Variants in ATP13A4 observed in about 807,000 individuals in gnomAD.
The protein encoded by ATP13A4 is ATPase 13A4.
ATP13A4 carries 114 observed loss-of-function variants against 142.5 expected under a neutral mutation model. The ratio of observed to expected loss-of-function variants is 0.80; its 90% CI spans 0.69 to 0.93. The LOEUF (loss-of-function observed/expected upper bound fraction) is 0.93, where lower values mean the gene tolerates loss of function less well. Among genes scored for constraint, ATP13A4 ranks in the 40% least tolerant of loss-of-function variants. The pLI, the probability that ATP13A4 is intolerant of heterozygous loss-of-function variation, is 0.00. For synonymous variants in ATP13A4, 488 were observed against 514.8 expected (o/e 0.95, Z 0.70); for missense variants, 1,392 against 1,454.0 (o/e 0.96, Z 0.69).
At chr3:193,517,487 T>C (rs1334817048) in intron 1 of ATP13A4, among the ~76,000 whole-genome samples, 1 of 152,176 alleles carries the variant, frequency 6.6e-6, no homozygotes, top group East Asian at 1.9e-4. Context: ...TTGTTTTATT[T>C]TATTTTATTT....
chr3:193,511,195 C>T (rs13096868), intron 2 of ATP13A4, among the ~76,000 whole-genome samples: 21,252 of 152,110 alleles, frequency 0.14, 1,633 homozygotes, highest in Non-Finnish European at 0.17. Context: ...AGATTGAAGC[C>T]GGCTTAGACT....
At chr3:193,492,233 T>C (rs978282675) in intron 5 of ATP13A4, among the ~76,000 whole-genome samples, 16 of 152,120 alleles carry the variant, frequency 1.1e-4, no homozygotes, top group African/African-American at 3.6e-4. Flanking sequence ...TTCAAAGTAC[T>C]AGAAATGGGG....
chr3:193,473,168 A>G lies in ATP13A4; in HGVS notation c.809-2175T>C, dbSNP rs151312360. Among the ~76,000 whole-genome samples, 929 of 152,366 alleles carry G rather than the reference A, an allele frequency of 6.1e-3. 12 individuals carry two copies. Among genetic ancestry groups the G allele is most frequent in the African/African-American group, 0.022 (897 of 41,592 alleles). ...AACATCTTCTTGTGCCATTAAGTAA[A>G]GAAATGCTCAAAGAATGTTGGGGAC... On this transcript the variant is annotated intron_variant, in intron 8 of 29. Transcript: ENST00000342695.
At chr3:193,541,252 A>AAAAAAAAAAAAAAAAAAAAAAAAAAAAAC (rs1722902371) in intron 1 of ATP13A4, among the ~76,000 whole-genome samples, 1 of 149,400 alleles carries the variant, frequency 6.7e-6, no homozygotes, top group Non-Finnish European at 1.5e-5. Context: ...CCTTCTCAAA[A>AAAAAAAAAAAAAAAAAAAAAAAAAAAAAC]AAAAAAAAAA....
chr3:193,585,818 A>C (rs1724657031), intron 1 of ATP13A4, among the ~76,000 whole-genome samples: 1 of 152,168 alleles, frequency 6.6e-6, no homozygotes, highest in Non-Finnish European at 1.5e-5. Context: ...ACTTTCCATG[A>C]ACACGTTTTT....
intron 3 of ATP13A4, among the ~76,000 whole-genome samples, chr3:193,494,442 T>C (rs1339537872): frequency 6.6e-6 from 1 of 151,994 alleles, no homozygotes; most frequent in African/African-American, 2.4e-5. Flanking sequence ...TATAATAGTA[T>C]AAAAGTAGAA....
upstream of ATP13A4, chr3:193,555,074 C>T (rs143066833): frequency 1.1e-3 from 708 of 641,560 alleles, 1 homozygote; most frequent in African/African-American, 9.9e-3. Context: ...GAGGCTGCTC[C>T]CATGCCGATC....
At chr3:193,407,673 T>C (rs1157863237) in intron 28 of ATP13A4, among the ~76,000 whole-genome samples, 2 of 152,212 alleles carry the variant, frequency 1.3e-5, no homozygotes, top group African/African-American at 4.8e-5. Flanking sequence ...TGTGTTTCTC[T>C]ATGATTTCTA....
At chr3:193,581,349 G>C (rs1318796463) in intron 2 of ATP13A4, among the ~76,000 whole-genome samples, 1 of 152,020 alleles carries the variant, frequency 6.6e-6, no homozygotes, top group East Asian at 1.9e-4. Flanking sequence ...AACAAATCAA[G>C]CCCTGATTTG....
intron 2 of ATP13A4, 46 bp downstream of exon 2, chr3:193,514,652 A>G (rs771902836): frequency 1.3e-6 from 2 of 1,593,318 alleles, no homozygotes; most frequent in Admixed American, 3.3e-5. Flanking sequence ...CACATTGTCC[A>G]GAAACAAAAG....
At chr3:193,509,841 A>G (rs375363903) in intron 2 of ATP13A4, among the ~76,000 whole-genome samples, 45 of 152,294 alleles carry the variant, frequency 3.0e-4, no homozygotes, top group African/African-American at 1.1e-3. Flanking sequence ...AAGAGAAAGC[A>G]TGTGTGTGTG....
intron 17 of ATP13A4, among the ~76,000 whole-genome samples, chr3:193,449,872 C>A (rs572736540): frequency 6.6e-6 from 1 of 152,262 alleles, no homozygotes; most frequent in South Asian, 2.1e-4. Context: ...GTAATCCCAG[C>A]ACTTTGGGAG....
At chr3:193,574,693 G>C (rs1041205436) in intron 2 of ATP13A4, among the ~76,000 whole-genome samples, 2 of 152,164 alleles carry the variant, frequency 1.3e-5, no homozygotes, top group Non-Finnish European at 2.9e-5. Flanking sequence ...TCCAGCCTGG[G>C]TGACAGAGTG....
intron 3 of ATP13A4, among the ~76,000 whole-genome samples, chr3:193,501,329 TATAATCCCAGCACTTTGGG>T (rs1720527862): frequency 6.6e-6 from 1 of 152,188 alleles, no homozygotes; most frequent in Non-Finnish European, 1.5e-5. Flanking sequence ...GGCACACCCC[TATAATCCCAGCACTTTGGG>T]AGGCTGAGGT....
At chr3:193,551,859 T>A (rs1487174096) in intron 1 of ATP13A4, among the ~76,000 whole-genome samples, 1 of 152,244 alleles carries the variant, frequency 6.6e-6, no homozygotes, top group African/African-American at 2.4e-5. Flanking sequence ...AAAGCTTCTT[T>A]CTACCTTTGG....
At chr3:193,554,994 C>T (rs1250561582), upstream of ATP13A4, 32 of 1,414,724 alleles carry the variant, frequency 2.3e-5, no homozygotes, top group East Asian at 7.0e-4. Context: ...TCCCACGAGT[C>T]GCCCTCTGCT....
intron 1 of ATP13A4, among the ~76,000 whole-genome samples, chr3:193,519,789 C>T (rs1004214597): frequency 6.6e-6 from 1 of 151,520 alleles, no homozygotes. Context: ...GGATTACAGG[C>T]GCCCGTCACT....
intron 7 of ATP13A4, among the ~76,000 whole-genome samples, chr3:193,488,314 T>C (rs1024687786): frequency 6.6e-6 from 1 of 152,160 alleles, no homozygotes; most frequent in African/African-American, 2.4e-5. Context: ...ACACATAGAA[T>C]ATATTCATTC....
At chr3:193,533,908 A>G (rs1040320325) in intron 1 of ATP13A4, among the ~76,000 whole-genome samples, 2 of 151,824 alleles carry the variant, frequency 1.3e-5, no homozygotes, top group Non-Finnish European at 2.9e-5. Flanking sequence ...CTGGGCCTCC[A>G]CCCCCACCAG....
Sources: gnomAD v4.1 joint callset for allele counts (sites outside exome capture counted in the v4.1 genomes callset) on GRCh38, gnomAD v4.1.1 for gene constraint, MANE v1.5 for transcripts, NCBI Gene and HGNC (gene_info 2026-07-23, HGNC 2026-07-21) for gene names.